Variants in CADM2 observed in about 807,000 individuals in gnomAD.
CADM2 encodes the protein immunoglobulin superfamily member 4D.
In CADM2, 12 loss-of-function variants were observed where a neutral mutation model predicts 49.8. The ratio of observed to expected loss-of-function variants is 0.24; its 90% CI spans 0.15 to 0.39. The LOEUF is 0.39. CADM2 is among the 10% of genes least tolerant of loss of function. The pLI, the probability that CADM2 is intolerant of heterozygous loss-of-function variation, is 1.00. For missense variants in CADM2, 378 were observed against 492.3 expected, an observed-to-expected ratio of 0.77 and a Z score of 2.20; for synonymous variants, 214 against 175.4, an observed-to-expected ratio of 1.22 and a Z score of -1.74.
At chr3:85,218,760 G>A (rs1209889846) in intron 1 of CADM2, among the ~76,000 whole-genome samples, 1 of 152,130 alleles carries the variant, frequency 6.6e-6, no homozygotes, top group African/African-American at 2.4e-5. Context: ...TACGCCCACT[G>A]CACTCCAGCC....
At chr3:85,479,001 T>A (rs2039095956) in intron 1 of CADM2, among the ~76,000 whole-genome samples, 1 of 151,836 alleles carries the variant, frequency 6.6e-6, no homozygotes, top group Admixed American at 6.6e-5. Context: ...CTGAGCACAT[T>A]GGTGTGATCA....
chr3:85,432,292 T>C (rs568621724), intron 1 of CADM2, among the ~76,000 whole-genome samples: 2 of 151,822 alleles, frequency 1.3e-5, no homozygotes, highest in Admixed American at 6.6e-5. Context: ...CTTCAGTGAC[T>C]GGTGTTGGAA....
In CADM2 at chr3:85,306,526, A is replaced by T. The variant is rs72921342; in HGVS notation, c.61+346858A>T. ...TTTCCTTTAATTCTAAAGCCTTTTG[A>T]CATGGAATAGTTTTCACCAAACTTT... On this transcript the variant is annotated intron_variant, in intron 1 of 9. Coordinates refer to ENST00000383699, the MANE Select transcript of CADM2 (RefSeq NM_001167675.2). 6.3e-3 allele frequency among the ~76,000 whole-genome samples: 961 copies of T among 151,812 alleles called. 14 individuals are homozygous for T. Among genetic ancestry groups the T allele is most frequent in the African/African-American group, 0.022 (897 of 41,522 alleles).
intron 1 of CADM2, among the ~76,000 whole-genome samples, chr3:85,384,016 C>T (rs2034061587): frequency 6.6e-6 from 1 of 152,112 alleles, no homozygotes; most frequent in African/African-American, 2.4e-5. Flanking sequence ...AATGAAACTG[C>T]TGGATTAAAT....
intron 1 of CADM2, among the ~76,000 whole-genome samples, chr3:85,536,745 T>C (rs1036349326): frequency 1.3e-5 from 2 of 151,982 alleles, no homozygotes; most frequent in Admixed American, 6.6e-5. Context: ...AAGGGAAGAT[T>C]AAGTAAATAT....
chr3:85,652,795 T>C (rs1171415277), intron 1 of CADM2, among the ~76,000 whole-genome samples: 2 of 143,174 alleles, frequency 1.4e-5, no homozygotes, highest in African/African-American at 5.2e-5. Flanking sequence ...TTTTTTTTTT[T>C]TAGACAGAGT....
intron 3 of CADM2, among the ~76,000 whole-genome samples, chr3:85,880,991 T>C (rs1478364388): frequency 2.0e-5 from 3 of 152,096 alleles, no homozygotes; most frequent in Non-Finnish European, 4.4e-5. Flanking sequence ...CCACTCTCTT[T>C]CTTCTTTCCT....
At chr3:85,833,180 C>A (rs558252325) in intron 3 of CADM2, among the ~76,000 whole-genome samples, 1 of 151,644 alleles carries the variant, frequency 6.6e-6, no homozygotes, top group Non-Finnish European at 1.5e-5. Context: ...TTAATCGTGG[C>A]GAATTAGCTT....
At chr3:85,147,206 C>T (rs1378998964) in intron 1 of CADM2, among the ~76,000 whole-genome samples, 1 of 130,544 alleles carries the variant, frequency 7.7e-6, no homozygotes, top group Non-Finnish European at 1.6e-5. Context: ...ACCCGGGAGG[C>T]GGAGCTTGCG....
intron 3 of CADM2, among the ~76,000 whole-genome samples, chr3:85,810,580 C>T (rs558620569): frequency 7.5e-6 from 1 of 134,108 alleles, no homozygotes; most frequent in South Asian, 2.4e-4. Context: ...CACTTCGTCA[C>T]CCAGGCTGGA....
chr3:85,822,249 A>AT (rs2073624701), intron 3 of CADM2, among the ~76,000 whole-genome samples: 1 of 152,110 alleles, frequency 6.6e-6, no homozygotes, highest in Non-Finnish European at 1.5e-5. Context: ...GGAAGAAGAG[A>AT]TTTTGAAGCA....
chr3:85,377,564 T>C (rs1451414322), intron 1 of CADM2, among the ~76,000 whole-genome samples: 1 of 152,076 alleles, frequency 6.6e-6, no homozygotes, highest in East Asian at 1.9e-4. Flanking sequence ...TTTATCCATA[T>C]TTAATGTCAA....
At chr3:85,669,900 T>C (rs1416793309) in intron 1 of CADM2, among the ~76,000 whole-genome samples, 1 of 152,078 alleles carries the variant, frequency 6.6e-6, no homozygotes, top group African/African-American at 2.4e-5. Flanking sequence ...TAGACCCTTA[T>C]GATGAAGGAG....
intron 2 of CADM2, among the ~76,000 whole-genome samples, chr3:85,764,027 A>T (rs2069526657): frequency 6.6e-6 from 1 of 152,196 alleles, no homozygotes; most frequent in Admixed American, 6.5e-5. Flanking sequence ...AAATGAACAG[A>T]GGGAAATGGG....
At chr3:85,051,822 C>A (rs78780329) in intron 1 of CADM2, among the ~76,000 whole-genome samples, 2,131 of 152,076 alleles carry the variant, frequency 0.014, 22 homozygotes, top group Non-Finnish European at 0.021. Context: ...GAAAACGGGG[C>A]ATTGGGCCTG....
intron 1 of CADM2, among the ~76,000 whole-genome samples, chr3:85,553,106 A>C (rs2107130529): frequency 6.6e-6 from 1 of 152,322 alleles, no homozygotes; most frequent in Non-Finnish European, 1.5e-5. Flanking sequence ...AGAATAATTA[A>C]ATAAATAAAA....
intron 1 of CADM2, among the ~76,000 whole-genome samples, chr3:85,605,781 A>G (rs1345677534): frequency 6.6e-6 from 1 of 152,104 alleles, no homozygotes; most frequent in African/African-American, 2.4e-5. Context: ...CAAGATCTCC[A>G]GAACACATCC....
chr3:85,476,198 A>G (rs2038967429), intron 1 of CADM2, among the ~76,000 whole-genome samples: 1 of 152,062 alleles, frequency 6.6e-6, no homozygotes, highest in East Asian at 1.9e-4. Flanking sequence ...AGTCATATAG[A>G]TATGTTGACA....
chr3:86,024,574 C>T (rs920785697), intron 8 of CADM2, among the ~76,000 whole-genome samples: 1 of 152,026 alleles, frequency 6.6e-6, no homozygotes, highest in Non-Finnish European at 1.5e-5. Flanking sequence ...TAATGCTCTG[C>T]CATTAATACA....
Sources: allele counts gnomAD v4.1 joint callset (sites outside exome capture counted in the v4.1 genomes callset), GRCh38; gene constraint gnomAD v4.1.1; transcripts MANE v1.5; gene names NCBI Gene and HGNC (gene_info 2026-07-23, HGNC 2026-07-21).